Variants in MTMR8 observed in about 807,000 individuals in gnomAD.
MTMR8 encodes myotubularin related protein 8.
MTMR8 carries 65 observed loss-of-function variants against 39.3 expected under a neutral mutation model. The ratio of observed to expected loss-of-function variants is 1.65; its 90% CI spans 1.35 to 2.03. The LOEUF (loss-of-function observed/expected upper bound fraction) is 2.03, where lower values mean the gene tolerates loss of function less well. Among genes scored for constraint, MTMR8 ranks in the 30% most tolerant of loss-of-function variants. MTMR8 has a pLI of 0.00. For missense variants in MTMR8, 777 were observed against 538.9 expected, an observed-to-expected ratio of 1.44 and a Z score of -4.37; for synonymous variants, 245 against 185.2, an observed-to-expected ratio of 1.32 and a Z score of -2.62.
Position 64,268,474 on chromosome X carries a change from C to T in MTMR8, c.*63G>A, listed in dbSNP as rs1931676804. The T allele has an allele frequency of 6.1e-6, 7 of 1,146,025 alleles. No individual in the cohort carries two copies. Among genetic ancestry groups the T allele is most frequent in the Non-Finnish European group, 8.1e-6 (7 of 861,971 alleles). 94.4% of individuals were successfully genotyped at this position (1,146,025 alleles called of 1,213,427 possible). On this transcript the variant is annotated 3_prime_UTR_variant, in exon 14 of 14. Coordinates refer to ENST00000374852, the MANE Select transcript of MTMR8 (RefSeq NM_017677.4). ...CCAATTGGAAAAGCAGCATAGCCCT[C>T]TCTGGGACAAGAATCATTGTAGCTG...
In MTMR8 at chrX:64,348,795, C is replaced by T. The variant is rs774820389; in HGVS notation, c.598-1G>A. ...GCTGGCTACAGCGGCAAATGGCAGC[C>T]TGTAAGGAAAAGGTGTGTCAGTTGA... On this transcript the variant is annotated splice_acceptor_variant, in intron 5 of 13. Coordinates refer to ENST00000374852, the MANE Select transcript of MTMR8 (RefSeq NM_017677.4). LOFTEE classifies it high-confidence loss of function. 8.3e-6 allele frequency: 10 copies of T among 1,208,384 alleles called. No individual in the cohort carries two copies. The highest frequency in any genetic ancestry group is 3.5e-5 in the African/African-American group (2 of 57,132).
chrX:64,285,913 G>T (rs1257142719), intron 12 of MTMR8, among the ~76,000 whole-genome samples: 2 of 111,343 alleles, frequency 1.8e-5, no homozygotes, highest in Non-Finnish European at 3.8e-5. Flanking sequence ...ACAATTAAAA[G>T]AACTAGAGAA....
At chrX:64,355,504 T>A (rs921642878) in intron 3 of MTMR8, among the ~76,000 whole-genome samples, 3 of 111,729 alleles carry the variant, frequency 2.7e-5, no homozygotes, top group African/African-American at 6.5e-5. Flanking sequence ...ATGGAGCCTA[T>A]CAGAGACTTG....
chrX:64,280,625 T>C (rs1445629488), intron 12 of MTMR8, among the ~76,000 whole-genome samples: 1 of 111,533 alleles, frequency 9.0e-6, no homozygotes, highest in African/African-American at 3.3e-5. Context: ...GCATTCCCTT[T>C]GAATATAGGC....
At chrX:64,382,772 C>T (rs951962287) in intron 1 of MTMR8, among the ~76,000 whole-genome samples, 13 of 111,317 alleles carry the variant, frequency 1.2e-4, no homozygotes, top group Admixed American at 7.7e-4. Context: ...TTTTGAGATA[C>T]AGAATTATTT....
intron 1 of MTMR8, among the ~76,000 whole-genome samples, chrX:64,367,465 C>A (rs1442121427): frequency 8.9e-6 from 1 of 112,016 alleles, no homozygotes; most frequent in Non-Finnish European, 1.9e-5. Flanking sequence ...ATATGCAAAT[C>A]AATAAACTTA....
chrX:64,351,253 C>T (rs1923480364), intron 4 of MTMR8, among the ~76,000 whole-genome samples: 1 of 111,271 alleles, frequency 9.0e-6, no homozygotes, highest in African/African-American at 3.3e-5. Context: ...TCAAGCATGA[C>T]CCTAACAAGC....
chrX:64,281,160 A>G (rs1186472967), intron 12 of MTMR8, among the ~76,000 whole-genome samples: 3 of 111,766 alleles, frequency 2.7e-5, no homozygotes, highest in Non-Finnish European at 5.6e-5. Flanking sequence ...TTCCCATCAA[A>G]GAACTATTGA....
At chrX:64,284,273 A>G (rs1170172115) in intron 12 of MTMR8, among the ~76,000 whole-genome samples, 1 of 111,986 alleles carries the variant, frequency 8.9e-6, no homozygotes, top group African/African-American at 3.3e-5. Flanking sequence ...AAGTTTAGAG[A>G]AAAAAGAATA....
intron 12 of MTMR8, chrX:64,306,109 G>GAA (rs201133736): frequency 3.3e-5 from 7 of 210,047 alleles, no homozygotes; most frequent in Admixed American, 9.4e-5. Flanking sequence ...CCCTATCACA[G>GAA]AAAAAAAAAA....
At chrX:64,284,844 C>A (rs1298260688) in intron 12 of MTMR8, among the ~76,000 whole-genome samples, 2 of 112,143 alleles carry the variant, frequency 1.8e-5, no homozygotes, top group African/African-American at 6.5e-5. Context: ...TGGAAAGGAA[C>A]AGCCATTACC....
chrX:64,279,771 G>A (rs971862304), intron 12 of MTMR8, among the ~76,000 whole-genome samples: 5 of 111,634 alleles, frequency 4.5e-5, no homozygotes, highest in African/African-American at 1.6e-4. Context: ...ATATTGTACT[G>A]GCATGAATAC....
intron 12 of MTMR8, among the ~76,000 whole-genome samples, chrX:64,289,765 G>T (rs1203241135): frequency 1.8e-5 from 2 of 109,862 alleles, no homozygotes; most frequent in Non-Finnish European, 3.8e-5. Context: ...TCCACTGCCA[G>T]ATGATAAAAA....
intron 12 of MTMR8, among the ~76,000 whole-genome samples, chrX:64,307,137 G>T (rs746399984): frequency 5.4e-5 from 6 of 111,835 alleles, no homozygotes; most frequent in Non-Finnish European, 7.5e-5. Context: ...TACGTGTTAA[G>T]AGTTCTTGAT....
At position 64,337,306 on chromosome X, in the gene MTMR8, G is replaced by A. The variant is rs1379919058; in HGVS notation, c.1063C>T (p.Leu355Phe). Residue 355 changes from leucine (L) to phenylalanine (F), a missense_variant, in exon 9 of 14, where the codon CTC (leucine) becomes TTC (phenylalanine). Leu to Phe is a conservative substitution (Grantham distance 22). Transcript: ENST00000374852. Reference protein sequence around the residue: ...TAQVCSVASILLDPFYRTFKG... With the variant: ...TAQVCSVASIFLDPFYRTFKG... ...AATGTCCTATAAAATGGATCTAGGA[G>A]GATGCTAGCCACTGAGCAGACTTGT... The A allele has an allele frequency of 8.3e-7, 1 of 1,210,065 alleles. No individual in the cohort carries two copies. The highest frequency in any genetic ancestry group is 3.0e-5 in the East Asian group (1 of 33,760).
intron 12 of MTMR8, among the ~76,000 whole-genome samples, chrX:64,278,028 A>G (rs1163126229): frequency 9.2e-6 from 1 of 108,277 alleles, no homozygotes; most frequent in Non-Finnish European, 1.9e-5. Context: ...TTGGCTATTG[A>G]TACTTGTGTA....
intron 1 of MTMR8, 85 bp from the exon 2 acceptor site, chrX:64,359,612 T>C: frequency 1.0e-6 from 1 of 973,241 alleles, no homozygotes; most frequent in South Asian, 2.7e-5. Context: ...AGATAAACGC[T>C]GTTAATTTGC....
At chrX:64,360,780 GGACA>G in intron 1 of MTMR8, among the ~76,000 whole-genome samples, 1 of 111,702 alleles carries the variant, frequency 9.0e-6, no homozygotes, top group African/African-American at 3.2e-5. Flanking sequence ...AAAATTTGAA[GGACA>G]GAGTTAAACA....
At chrX:64,357,616 C>G (rs771964346) in intron 2 of MTMR8, among the ~76,000 whole-genome samples, 3 of 110,327 alleles carry the variant, frequency 2.7e-5, no homozygotes, top group African/African-American at 6.6e-5. Flanking sequence ...TTTGTAGAGA[C>G]TAGGTATTGC....
Sources: gnomAD v4.1 joint callset for allele counts (sites outside exome capture counted in the v4.1 genomes callset) on GRCh38, gnomAD v4.1.1 for gene constraint, MANE v1.5 for transcripts, NCBI Gene and HGNC (gene_info 2026-07-23, HGNC 2026-07-21) for gene names.